HERPUD2: variants seen among roughly 807,000 people sequenced by gnomAD.
HERPUD2 encodes HERPUD family member 2, also known as homocysteine-responsive endoplasmic reticulum-resident ubiquitin-like domain member 2 protein.
Under a neutral mutation model 49.9 loss-of-function variants are expected in HERPUD2, and 13 were observed. The ratio of observed to expected loss-of-function variants is 0.26; its 90% CI spans 0.17 to 0.41. The LOEUF (loss-of-function observed/expected upper bound fraction) is 0.41. Among genes scored for constraint, HERPUD2 ranks in the 10% least tolerant of loss-of-function variants. HERPUD2 has a pLI of 1.00. For missense variants in HERPUD2, 449 were observed against 492.2 expected, an observed-to-expected ratio of 0.91 and a Z score of 0.83; for synonymous variants, 172 against 171.4, an observed-to-expected ratio of 1.00 and a Z score of -0.03.
rs1237612096 is a variant in HERPUD2, at chr7:35,653,358, T to TA, written c.494+14075_494+14076insT. ...CATTATATAATGATAAAGGGATCAA[T>TA]TCAACAAAAAGATATAACAATTCTA... On this transcript the variant is annotated intron_variant, in intron 5 of 8. Transcript: ENST00000311350. Among the ~76,000 whole-genome samples, 22 of 152,202 alleles carry TA rather than the reference T, an allele frequency of 1.4e-4. No homozygotes were observed. In the South Asian group the frequency reaches 4.2e-3, roughly 29 times the overall value.
In HERPUD2 at chr7:35,635,243, T is replaced by TC; in HGVS notation, c.832dup (p.Asp278GlyfsTer14). 1 of 1,614,068 alleles carries TC rather than the reference T, an allele frequency of 6.2e-7. No individual in the cohort carries two copies. The highest frequency in any genetic ancestry group is 8.5e-7 in the Non-Finnish European group (1 of 1,179,900). Reference sequence around the variant, plus strand: ...AGCTCGTGAGAACGTGTACATCCAGTCTAGCCAGTCTCGATTGAAGTCTTC... The same window carrying TC: ...AGCTCGTGAGAACGTGTACATCCAGTCCTAGCCAGTCTCGATTGAAGTCTTC... On this transcript the variant is annotated frameshift_variant, in exon 7 of 9. Transcript: ENST00000311350. LOFTEE classifies it high-confidence loss of function.
intron 5 of HERPUD2, among the ~76,000 whole-genome samples, chr7:35,660,796 A>G (rs1042881564): frequency 6.6e-6 from 1 of 152,190 alleles, no homozygotes; most frequent in Non-Finnish European, 1.5e-5. Flanking sequence ...TCAGATGGGT[A>G]TATTATAAAA....
At chr7:35,641,040 T>C (rs10249216) in intron 5 of HERPUD2, among the ~76,000 whole-genome samples, 3,301 of 152,206 alleles carry the variant, frequency 0.022, 118 homozygotes, top group African/African-American at 0.074. Context: ...AAAATCAACA[T>C]ATTTGACAAC....
At chr7:35,680,660 C>T (rs966037675) in intron 2 of HERPUD2, among the ~76,000 whole-genome samples, 1 of 152,230 alleles carries the variant, frequency 6.6e-6, no homozygotes, top group African/African-American at 2.4e-5. Flanking sequence ...CCAGCTCTTG[C>T]ATACCTGACT....
At chr7:35,637,629 G>T (rs900844118) in intron 6 of HERPUD2, among the ~76,000 whole-genome samples, 2 of 152,098 alleles carry the variant, frequency 1.3e-5, no homozygotes, top group African/African-American at 2.4e-5. Flanking sequence ...TAACAACTAA[G>T]ACCACGCAAA....
At chr7:35,682,328 T>C (rs1200120508) in intron 2 of HERPUD2, among the ~76,000 whole-genome samples, 5 of 6,042 alleles carry the variant, frequency 8.3e-4, no homozygotes, top group Admixed American at 2.3e-3. Flanking sequence ...CATACACACG[T>C]GTGTGTGTGT....
At chr7:35,651,364 T>C (rs567408407) in intron 5 of HERPUD2, among the ~76,000 whole-genome samples, 1 of 152,160 alleles carries the variant, frequency 6.6e-6, no homozygotes, top group South Asian at 2.1e-4. Context: ...ACCACTGCCA[T>C]CGCTGGGACC....
intron 5 of HERPUD2, among the ~76,000 whole-genome samples, chr7:35,640,240 G>C (rs553975248): frequency 2.2e-4 from 33 of 152,186 alleles, no homozygotes; most frequent in Non-Finnish European, 4.7e-4. Flanking sequence ...GCTGTATCTA[G>C]ATGTATATTT....
intron 5 of HERPUD2, among the ~76,000 whole-genome samples, chr7:35,646,334 G>A (rs1785054013): frequency 6.6e-6 from 1 of 152,130 alleles, no homozygotes; most frequent in Non-Finnish European, 1.5e-5. Flanking sequence ...GGCTGAGATG[G>A]TAGGACTGCT....
intron 5 of HERPUD2, among the ~76,000 whole-genome samples, chr7:35,667,072 C>A (rs186569297): frequency 4.1e-4 from 62 of 152,234 alleles, no homozygotes; most frequent in Admixed American, 7.8e-4. Flanking sequence ...TTACGTAGAT[C>A]CTTGCTATTC....
chr7:35,668,637 G>A (rs1199556905), intron 4 of HERPUD2: 1 of 154,668 alleles, frequency 6.5e-6, no homozygotes, highest in Admixed American at 6.5e-5. Flanking sequence ...TTGCAAAACA[G>A]TCCACACCAG....
At chr7:35,684,764 G>A (rs1451159022) in intron 2 of HERPUD2, among the ~76,000 whole-genome samples, 1 of 152,184 alleles carries the variant, frequency 6.6e-6, no homozygotes, top group Admixed American at 6.5e-5. Context: ...AGAAGGGGGT[G>A]AGGGATAAAA....
At chr7:35,658,741 T>C (rs1235445980) in intron 5 of HERPUD2, among the ~76,000 whole-genome samples, 1 of 152,198 alleles carries the variant, frequency 6.6e-6, no homozygotes, top group Admixed American at 6.5e-5. Flanking sequence ...AGCCAGTAAT[T>C]GTTAGAGTAA....
At chr7:35,665,340 G>A (rs912477210) in intron 5 of HERPUD2, among the ~76,000 whole-genome samples, 1 of 152,198 alleles carries the variant, frequency 6.6e-6, no homozygotes, top group East Asian at 1.9e-4. Flanking sequence ...CCTCAGCCTT[G>A]CTGTCGCCTT....
At position 35,675,760 on chromosome 7, in the gene HERPUD2, C is replaced by CT. The variant is rs561642545; in HGVS notation, c.148-2483dup. 6.8e-3 allele frequency among the ~76,000 whole-genome samples: 1,027 copies of CT among 151,962 alleles called. 11 individuals are homozygous for CT. Among genetic ancestry groups the CT allele is most frequent in the African/African-American group, 0.024 (976 of 41,466 alleles). ...TTCAAAGAGAATACTGTATTTTAAT[C>CT]TTTTTTTTAAAAAAATGTAGAGACG... On this transcript the variant is annotated intron_variant, in intron 2 of 8. Coordinates refer to ENST00000311350, the MANE Select transcript of HERPUD2 (RefSeq NM_022373.5).
chr7:35,679,343 A>G (rs1366278175), intron 2 of HERPUD2, among the ~76,000 whole-genome samples: 2 of 152,224 alleles, frequency 1.3e-5, no homozygotes, highest in African/African-American at 4.8e-5. Context: ...AAGTAGTATG[A>G]CTAGTATCCC....
At chr7:35,666,970 C>A (rs1323420072) in intron 5 of HERPUD2, among the ~76,000 whole-genome samples, 1 of 152,170 alleles carries the variant, frequency 6.6e-6, no homozygotes, top group Non-Finnish European at 1.5e-5. Flanking sequence ...TTGCTGGGCT[C>A]TGTACTCTTT....
intron 5 of HERPUD2, among the ~76,000 whole-genome samples, chr7:35,646,890 T>G (rs1358897123): frequency 6.6e-6 from 1 of 151,820 alleles, no homozygotes; most frequent in Non-Finnish European, 1.5e-5. Context: ...CTATACTAGT[T>G]AGCACTGTAG....
chr7:35,674,378 CCTATATATAT>C (rs1335983899), intron 2 of HERPUD2, among the ~76,000 whole-genome samples: 1 of 34,930 alleles, frequency 2.9e-5, no homozygotes, highest in Non-Finnish European at 5.5e-5. Context: ...AGTCTTACAA[CCTATATATAT>C]ATATATATAT....
Sources: allele counts gnomAD v4.1 joint callset (sites outside exome capture counted in the v4.1 genomes callset), GRCh38; gene constraint gnomAD v4.1.1; transcripts MANE v1.5; gene names NCBI Gene and HGNC (gene_info 2026-07-23, HGNC 2026-07-21).